Variants in DCAF8L2 observed in about 807,000 individuals in gnomAD.
The protein encoded by DCAF8L2 is DDB1- and CUL4-associated factor 8-like protein 2.
For synonymous variants in DCAF8L2, 200 were observed against 190.9 expected, an observed-to-expected ratio of 1.05 and a Z score of -0.39; for missense variants, 430 against 490.7, an observed-to-expected ratio of 0.88 and a Z score of 1.17.
At chrX:27,614,410 G>A (rs1285005403) in intron 1 of DCAF8L2, among the ~76,000 whole-genome samples, 1 of 110,608 alleles carries the variant, frequency 9.0e-6, no homozygotes, top group African/African-American at 3.3e-5. Flanking sequence ...CCAGCTTCTG[G>A]ATTCATTGAT....
the DCAF8L2 span, among the ~76,000 whole-genome samples, chrX:27,554,970 A>G: frequency 9.0e-6 from 1 of 111,607 alleles, no homozygotes; most frequent in Non-Finnish European, 1.9e-5. Context: ...GTTTATATCT[A>G]TGGCCACACA....
At chrX:27,637,587 A>G (rs148648587) in intron 2 of DCAF8L2, among the ~76,000 whole-genome samples, 38 of 112,442 alleles carry the variant, frequency 3.4e-4, no homozygotes, top group African/African-American at 1.2e-3. Context: ...AACTGGATGA[A>G]CATGGCAGCT....
At chrX:27,641,724 G>A (rs1002217172) in intron 2 of DCAF8L2, among the ~76,000 whole-genome samples, 2 of 109,703 alleles carry the variant, frequency 1.8e-5, no homozygotes, top group Non-Finnish European at 3.8e-5. Context: ...CACCCACCTC[G>A]GCCTCCCAAA....
At chrX:27,598,692 C>T (rs151255445) in intron 1 of DCAF8L2, among the ~76,000 whole-genome samples, 1,166 of 111,422 alleles carry the variant, frequency 0.01, 14 homozygotes, top group African/African-American at 0.036. Context: ...GTTCGGGGCT[C>T]AGACTTTCTG....
intron 1 of DCAF8L2, among the ~76,000 whole-genome samples, chrX:27,629,633 G>T (rs1357855025): frequency 2.7e-5 from 3 of 110,771 alleles, no homozygotes; most frequent in African/African-American, 9.8e-5. Context: ...ATATGCATTG[G>T]ATTATTTCTG....
At chrX:27,654,557 C>G (rs1023525561) in intron 2 of DCAF8L2, among the ~76,000 whole-genome samples, 1 of 111,869 alleles carries the variant, frequency 8.9e-6, no homozygotes, top group Non-Finnish European at 1.9e-5. Flanking sequence ...CAAGCTGTGG[C>G]AACTAGAAGG....
intron 3 of DCAF8L2, among the ~76,000 whole-genome samples, chrX:27,687,208 A>G (rs1356215105): frequency 8.9e-6 from 1 of 112,295 alleles, no homozygotes; most frequent in Non-Finnish European, 1.9e-5. Flanking sequence ...TTATGTGTCC[A>G]CGAAAATAAA....
chrX:27,514,933 G>T, the DCAF8L2 span, among the ~76,000 whole-genome samples: 1 of 110,925 alleles, frequency 9.0e-6, no homozygotes, highest in Non-Finnish European at 1.9e-5. Context: ...TGGGTACAAC[G>T]TTACAGTTAG....
intron 2 of DCAF8L2, chrX:27,633,326 AC>A (rs991779619): frequency 7.1e-5 from 8 of 112,459 alleles, no homozygotes; most frequent in African/African-American, 2.6e-4. Context: ...TTTAATACTT[AC>A]GGCACTTCAT....
chrX:27,687,790 C>T (rs1233673158), intron 3 of DCAF8L2, among the ~76,000 whole-genome samples: 1 of 111,807 alleles, frequency 8.9e-6, no homozygotes, highest in East Asian at 2.8e-4. Context: ...GGAGGTGCTA[C>T]ACTCTAGCCT....
intron 1 of DCAF8L2, among the ~76,000 whole-genome samples, chrX:27,623,231 C>A (rs1450738819): frequency 3.6e-5 from 4 of 111,021 alleles, no homozygotes; most frequent in East Asian, 2.9e-4. Context: ...GGATAGAGTT[C>A]TCTCACTGCC....
At chrX:27,616,681 G>A (rs751758278) in intron 1 of DCAF8L2, among the ~76,000 whole-genome samples, 2 of 111,015 alleles carry the variant, frequency 1.8e-5, no homozygotes, top group Non-Finnish European at 3.8e-5. Context: ...CTCTTAAGGC[G>A]GAAGGAATTG....
At chrX:27,547,257 G>A in the DCAF8L2 span, among the ~76,000 whole-genome samples, 1 of 111,577 alleles carries the variant, frequency 9.0e-6, no homozygotes, top group Non-Finnish European at 1.9e-5. Context: ...CAGCATTTTG[G>A]TCAAAACCAT....
intron 3 of DCAF8L2, among the ~76,000 whole-genome samples, chrX:27,707,050 T>C (rs925242116): frequency 9.0e-6 from 1 of 111,608 alleles, no homozygotes; most frequent in African/African-American, 3.3e-5. Flanking sequence ...TATTGTATGG[T>C]TTCATTTACA....
chrX:27,733,847 G>A (rs1277457357), intron 4 of DCAF8L2, among the ~76,000 whole-genome samples: 1 of 111,182 alleles, frequency 9.0e-6, no homozygotes, highest in Non-Finnish European at 1.9e-5. Flanking sequence ...ATGTGTGGTT[G>A]GATTTACTTC....
chrX:27,706,048 A>G (rs1931333341), intron 3 of DCAF8L2, among the ~76,000 whole-genome samples: 1 of 110,455 alleles, frequency 9.1e-6, no homozygotes, highest in African/African-American at 3.3e-5. Flanking sequence ...TGAATAGGTG[A>G]CCCTCGTTTC....
chrX:27,486,272 C>T, the DCAF8L2 span, among the ~76,000 whole-genome samples: 1 of 110,044 alleles, frequency 9.1e-6, no homozygotes, highest in Non-Finnish European at 1.9e-5. Flanking sequence ...TCCCAAAGTG[C>T]TAGGATTACA....
At chrX:27,675,443 G>A (rs886180178) in intron 2 of DCAF8L2, among the ~76,000 whole-genome samples, 4 of 111,852 alleles carry the variant, frequency 3.6e-5, no homozygotes, top group South Asian at 3.7e-4. Context: ...TGAAAATGCC[G>A]GACAAAGGAA....
At chrX:27,723,524 A>T (rs1602781020) in intron 4 of DCAF8L2, among the ~76,000 whole-genome samples, 1 of 111,822 alleles carries the variant, frequency 8.9e-6, no homozygotes, top group East Asian at 2.8e-4. Context: ...CACACTCTAT[A>T]GAGAAGCTTT....
Sources: allele counts gnomAD v4.1 joint callset (sites outside exome capture counted in the v4.1 genomes callset), GRCh38; gene constraint gnomAD v4.1.1; transcripts MANE v1.5; gene names NCBI Gene and HGNC (gene_info 2026-07-23, HGNC 2026-07-21).